Variants in NAT10 observed in about 807,000 individuals in gnomAD.
NAT10 encodes the protein RNA cytidine acetyltransferase.
In NAT10, 109 loss-of-function variants were observed where a neutral mutation model predicts 132.2. The observed-to-expected ratio is 0.82, with a 90% CI of 0.71 to 0.97. NAT10 has a LOEUF of 0.97. Ranked by LOEUF, NAT10 falls within the 50% of genes least tolerant of loss-of-function variation. The pLI is 0.00. For missense variants in NAT10, 1,184 were observed against 1,263.4 expected, an observed-to-expected ratio of 0.94 and a Z score of 0.95; for synonymous variants, 479 against 478.0, an observed-to-expected ratio of 1.00 and a Z score of -0.03.
At chr11:34,138,945 GTGTC>G in intron 21 of NAT10, 1 of 480,246 alleles carries the variant, frequency 2.1e-6, no homozygotes, top group Non-Finnish European at 3.8e-6. Flanking sequence ...GCTCTTCTCT[GTGTC>G]TGTGACACTT....
Position 34,122,513 on chromosome 11 carries a change from A to T in NAT10, c.835A>T (p.Thr279Ser). 6.2e-7 allele frequency: 1 copy of T among 1,614,216 alleles called. No individual in the cohort carries two copies. Among genetic ancestry groups the T allele is most frequent in the Non-Finnish European group, 8.5e-7 (1 of 1,180,042 alleles). Residue 279 changes from threonine to serine, a missense_variant, in exon 9 of 29, where the codon ACT becomes TCT. By Grantham distance (58) the Thr-to-Ser change is moderately conservative. Coordinates refer to ENST00000257829, the MANE Select transcript of NAT10 (RefSeq NM_024662.3). The stretch of plus-strand genomic sequence containing the variant: ...CATCTCTGAAAAGACCCTGAGGAGT[A>T]CTGTTGCACTCACAGCTGCTCGAGG... ...EGISEKTLRS[T>S]VALTAARGRG...
At position 34,124,323 on chromosome 11, in the gene NAT10, A is replaced by T. The variant is rs765762293; in HGVS notation, c.1030A>T (p.Ile344Phe). The change falls in exon 11 of 29, where the codon ATC (isoleucine) becomes TTC (phenylalanine). Residue 344 changes from isoleucine (I) to phenylalanine (F), a missense_variant. By Grantham distance (21) the Ile-to-Phe change is conservative. Transcript: ENST00000257829. ...CCAGGAACATCTGGATTATGAGATT[A>T]TCCAGTCTCTAAATCCTGAATTTAA... ...QYQEHLDYEI[I>F]QSLNPEFNKA... 1 of 1,613,314 alleles carries T rather than the reference A, an allele frequency of 6.2e-7. No individual in the cohort carries two copies. Among genetic ancestry groups the T allele is most frequent in the Non-Finnish European group, 8.5e-7 (1 of 1,179,444 alleles).
At position 34,118,184 on chromosome 11, in the gene NAT10, A is replaced by G. The variant is rs1389461541; in HGVS notation, c.562A>G (p.Ile188Val). The change falls in exon 7 of 29, where the codon ATT (isoleucine) becomes GTT (valine). Residue 188 changes from isoleucine to valine, a missense_variant. Transcript: ENST00000257829. ...TGCAGCGGTTTTGTATCTCAGGTTT[A>G]TTCTGTCTCTGGCCTCTTGTAAGAA... ...DVVGRFNERF[I>V]LSLASCKKCL... 6.2e-7 allele frequency: 1 copy of G among 1,612,974 alleles called. No individual in the cohort carries two copies. The highest frequency in any genetic ancestry group is 2.2e-5 in the East Asian group (1 of 44,886).
chr11:34,146,207 G>C lies in NAT10; in HGVS notation c.*15G>C. On this transcript the variant is annotated 3_prime_UTR_variant, in exon 29 of 29. Coordinates refer to ENST00000257829, the MANE Select transcript of NAT10 (RefSeq NM_024662.3). ...GGAAGAAATAGTGAAGAGAAACTCG[G>C]GCATCTGTGTTTGATCATGGGAAGA... 6.4e-7 allele frequency: 1 copy of C among 1,555,026 alleles called. No homozygotes were observed. Among genetic ancestry groups the C allele is most frequent in the East Asian group, 2.3e-5 (1 of 44,256 alleles).
At chr11:34,115,693 A>G (rs1851772754) in intron 5 of NAT10, 130 bp from the exon 6 acceptor site, 4 of 710,706 alleles carry the variant, frequency 5.6e-6, no homozygotes, top group Non-Finnish European at 9.2e-6. Context: ...TTGGCACAGC[A>G]GTGTGTGTGG....
chr11:34,118,277 C>T lies in NAT10; in HGVS notation c.655C>T (p.Leu219=), dbSNP rs750249608. The T allele has an allele frequency of 1.9e-6, 3 of 1,613,638 alleles. No individual in the cohort carries two copies. Among genetic ancestry groups the T allele is most frequent in the East Asian group, 2.2e-5 (1 of 44,872 alleles). The change falls in exon 7 of 29, where the codon CTG becomes TTG. Residue 219 remains leucine (L), a synonymous_variant. Coordinates refer to ENST00000257829, the MANE Select transcript of NAT10 (RefSeq NM_024662.3). ...CTCCCACGTTGCCACCATGGAGGCC[C>T]TGCCTCCCCAGACTCCGGTGAGTCT... is the stretch of plus-strand genomic sequence containing the variant. ...ISSHVATMEA[L]PPQTPDESLG...
At chr11:34,113,338 GA>G (rs1459589887) in intron 4 of NAT10, among the ~76,000 whole-genome samples, 1 of 152,046 alleles carries the variant, frequency 6.6e-6, no homozygotes, top group Non-Finnish European at 1.5e-5. Context: ...TCTCTAATAA[GA>G]GACCCGTTTT....
chr11:34,136,808 C>T, intron 20 of NAT10, 33 bp downstream of exon 20: 1 of 1,614,036 alleles, frequency 6.2e-7, no homozygotes, highest in Non-Finnish European at 8.5e-7. Context: ...CGGCATCACT[C>T]CTTGGCATTG....
intron 11 of NAT10, among the ~76,000 whole-genome samples, chr11:34,127,241 T>C (rs1852012020): frequency 6.6e-6 from 1 of 152,200 alleles, no homozygotes; most frequent in Non-Finnish European, 1.5e-5. Context: ...AAGTGACTTG[T>C]CCAAGGTCAT....
At chr11:34,130,770 G>A (rs761733832) in intron 12 of NAT10, 43 bp from the exon 13 acceptor site, 1 of 1,611,882 alleles carries the variant, frequency 6.2e-7, no homozygotes, top group Non-Finnish European at 8.5e-7. Context: ...CTAGACAGTG[G>A]ATTTGGGACC....
At chr11:34,141,629 T>C (rs1852333401) in intron 25 of NAT10, 90 bp from the exon 26 acceptor site, 1 of 1,143,898 alleles carries the variant, frequency 8.7e-7, no homozygotes, top group African/African-American at 1.5e-5. Flanking sequence ...AATGCACACC[T>C]TTCTATAAGA....
chr11:34,127,262 G>A (rs1317723429), intron 11 of NAT10, among the ~76,000 whole-genome samples: 1 of 152,138 alleles, frequency 6.6e-6, no homozygotes, highest in Non-Finnish European at 1.5e-5. Flanking sequence ...ATGATCAGTG[G>A]CCGAACTCTC....
intron 4 of NAT10, among the ~76,000 whole-genome samples, 186 bp from the exon 5 acceptor site, chr11:34,113,530 C>T (rs539842436): frequency 4.1e-5 from 6 of 146,778 alleles, no homozygotes; most frequent in Non-Finnish European, 6.0e-5. Flanking sequence ...GGGCCAGGCG[C>T]GGTGGCTCAT....
At chr11:34,134,207 T>G in intron 16 of NAT10, 112 bp from the exon 17 acceptor site, 1 of 887,212 alleles carries the variant, frequency 1.1e-6, no homozygotes, top group Non-Finnish European at 1.9e-6. Flanking sequence ...GGGTTAAACC[T>G]GAACATGGGG....
intron 12 of NAT10, among the ~76,000 whole-genome samples, chr11:34,130,285 C>T (rs992448781): frequency 2.2e-4 from 33 of 152,148 alleles, no homozygotes; most frequent in African/African-American, 7.7e-4. Context: ...TATAAGTGGG[C>T]ATAGCAATGA....
At chr11:34,139,146 A>G (rs1852273518) in intron 21 of NAT10, 45 bp from the exon 22 acceptor site, 1 of 1,550,744 alleles carries the variant, frequency 6.4e-7, no homozygotes, top group Non-Finnish European at 8.9e-7. Context: ...GGGTTATTCA[A>G]AAAAAGGGGG....
Position 34,112,105 on chromosome 11 carries a change from T to G in NAT10, c.254T>G (p.Leu85Arg). The G allele has an allele frequency of 6.2e-7, 1 of 1,614,176 alleles. No homozygotes were observed. Among genetic ancestry groups the G allele is most frequent in the Non-Finnish European group, 8.5e-7 (1 of 1,180,044 alleles). Residue 85 changes from leucine to arginine, a missense_variant, in exon 4 of 29, where the codon CTG becomes CGG. By Grantham distance (102) the Leu-to-Arg change is moderately radical. Transcript: ENST00000257829. Reference protein sequence around the residue: ...QLQKKIKNGTLNIKQDDPFEL... With the variant: ...QLQKKIKNGTRNIKQDDPFEL... ...CAGAAGAAAATAAAGAATGGAACAC[T>G]GAACATAAAGCAGGACGACCCCTTT...
At chr11:34,145,047 G>C (rs1565121748) in intron 28 of NAT10, among the ~76,000 whole-genome samples, 1 of 152,208 alleles carries the variant, frequency 6.6e-6, no homozygotes. Flanking sequence ...AGTGTGACCT[G>C]TCTCTGTTTT....
chr11:34,123,474 A>G (rs567493762), intron 9 of NAT10, among the ~76,000 whole-genome samples: 1 of 152,282 alleles, frequency 6.6e-6, no homozygotes, highest in African/African-American at 2.4e-5. Flanking sequence ...TGAGCATGAA[A>G]CTACTTCTTG....
Sources: allele counts gnomAD v4.1 joint callset (sites outside exome capture counted in the v4.1 genomes callset), GRCh38; gene constraint gnomAD v4.1.1; transcripts MANE v1.5; gene names NCBI Gene and HGNC (gene_info 2026-07-23, HGNC 2026-07-21).